SLC30A8: variants seen among roughly 807,000 people sequenced by gnomAD.
SLC30A8 encodes the protein solute carrier family 30 member 8.
A neutral mutation model predicts 36.9 loss-of-function variants in SLC30A8; 27 were observed. The observed-to-expected ratio is 0.73, with a 90% CI of 0.54 to 1.01. SLC30A8 has a LOEUF of 1.01. Among genes scored for constraint, SLC30A8 ranks in the 50% least tolerant of loss-of-function variants. The pLI, the probability that SLC30A8 is intolerant of heterozygous loss-of-function variation, is 0.00. For synonymous variants in SLC30A8, 164 were observed against 172.4 expected (o/e 0.95, Z 0.38); for missense variants, 439 against 452.0 (o/e 0.97, Z 0.26).
At chr8:116,985,243 C>A (rs1160234567) in intron 1 of SLC30A8, among the ~76,000 whole-genome samples, 1 of 151,300 alleles carries the variant, frequency 6.6e-6, no homozygotes, top group East Asian at 1.9e-4. Context: ...TCTTGTATCT[C>A]TTTCTAGAAT....
intron 2 of SLC30A8, among the ~76,000 whole-genome samples, chr8:117,061,514 A>G (rs1215098443): frequency 2.0e-5 from 3 of 152,248 alleles, no homozygotes. Flanking sequence ...AGCAATCAAG[A>G]AGTTCATAAA....
intron 2 of SLC30A8, among the ~76,000 whole-genome samples, chr8:117,119,312 C>T (rs745336328): frequency 6.6e-6 from 1 of 151,858 alleles, no homozygotes; most frequent in Admixed American, 6.6e-5. Context: ...GGAGATCCAC[C>T]TTGGGCTAGA....
intron 2 of SLC30A8, among the ~76,000 whole-genome samples, chr8:117,124,571 C>T (rs768918322): frequency 5.3e-5 from 8 of 151,324 alleles, no homozygotes; most frequent in Non-Finnish European, 8.8e-5. Flanking sequence ...CGCTCTCAAC[C>T]CATTGGGAAG....
chr8:117,046,828 C>G (rs1315447451), intron 2 of SLC30A8, among the ~76,000 whole-genome samples: 3 of 152,234 alleles, frequency 2.0e-5, no homozygotes, highest in African/African-American at 7.2e-5. Context: ...CTTCCCATGA[C>G]TTTAGCTTGC....
chr8:117,143,699 C>CACACACATGA (rs1821769968), intron 1 of SLC30A8, among the ~76,000 whole-genome samples: 1 of 151,862 alleles, frequency 6.6e-6, no homozygotes, highest in South Asian at 2.1e-4. Flanking sequence ...CACACACACT[C>CACACACATGA]ACACATGAAC....
At chr8:117,153,871 A>G (rs1246963356) in intron 3 of SLC30A8, among the ~76,000 whole-genome samples, 3 of 152,096 alleles carry the variant, frequency 2.0e-5, no homozygotes, top group Non-Finnish European at 4.4e-5. Flanking sequence ...GTGCTTCCTT[A>G]AATAATTTCA....
chr8:116,956,123 G>C (rs1814193642), intron 1 of SLC30A8, among the ~76,000 whole-genome samples: 1 of 152,166 alleles, frequency 6.6e-6, no homozygotes, highest in Non-Finnish European at 1.5e-5. Context: ...CATTAAAGCA[G>C]GATTCATATT....
chr8:116,996,456 A>G (rs1303432542), intron 1 of SLC30A8, among the ~76,000 whole-genome samples: 2 of 152,224 alleles, frequency 1.3e-5, no homozygotes, highest in Non-Finnish European at 2.9e-5. Flanking sequence ...TAATCAAGCT[A>G]ATTAACATGT....
At chr8:117,136,526 T>C (rs951140508) in intron 1 of SLC30A8, among the ~76,000 whole-genome samples, 4 of 152,046 alleles carry the variant, frequency 2.6e-5, no homozygotes, top group African/African-American at 9.7e-5. Flanking sequence ...TCAAATATTT[T>C]AGTAACAGCA....
intron 1 of SLC30A8, among the ~76,000 whole-genome samples, chr8:116,985,704 T>C (rs931514167): frequency 6.6e-6 from 1 of 152,122 alleles, no homozygotes; most frequent in Admixed American, 6.6e-5. Flanking sequence ...TGCATGAAAG[T>C]ACCAATTTTC....
intron 1 of SLC30A8, among the ~76,000 whole-genome samples, chr8:117,025,248 A>C (rs1816838311): frequency 6.6e-6 from 1 of 152,322 alleles, no homozygotes; most frequent in East Asian, 1.9e-4. Context: ...TTTGGTTGAA[A>C]ATGGGAAAGG....
At chr8:117,151,084 C>T (rs878992234) in intron 2 of SLC30A8, among the ~76,000 whole-genome samples, 3 of 152,164 alleles carry the variant, frequency 2.0e-5, no homozygotes, top group African/African-American at 7.2e-5. Flanking sequence ...ACATTCCATA[C>T]CTTCTGCTTT....
At chr8:116,991,522 C>T (rs1039346317) in intron 1 of SLC30A8, among the ~76,000 whole-genome samples, 2 of 152,106 alleles carry the variant, frequency 1.3e-5, no homozygotes, top group Admixed American at 6.6e-5. Context: ...CCAGGCTGAT[C>T]TTAAACTCCT....
chr8:116,972,268 T>TTGCTGAAAAGGC (rs1462761745), intron 1 of SLC30A8, among the ~76,000 whole-genome samples: 1 of 152,226 alleles, frequency 6.6e-6, no homozygotes, highest in Non-Finnish European at 1.5e-5. Flanking sequence ...ATTTATACTT[T>TTGCTGAAAAGGC]TGCTGAAAAG....
At chr8:117,015,169 A>C (rs1816475212) in intron 1 of SLC30A8, among the ~76,000 whole-genome samples, 1 of 152,080 alleles carries the variant, frequency 6.6e-6, no homozygotes, top group African/African-American at 2.4e-5. Flanking sequence ...TCTTTCTATC[A>C]ACCATAAAAC....
At chr8:116,971,104 C>G (rs1314088961) in intron 1 of SLC30A8, among the ~76,000 whole-genome samples, 2 of 151,920 alleles carry the variant, frequency 1.3e-5, no homozygotes, top group Non-Finnish European at 1.5e-5. Flanking sequence ...ACAATAACAA[C>G]AACAACAACA....
intron 6 of SLC30A8, 74 bp downstream of exon 6, chr8:117,163,604 A>C: frequency 9.2e-7 from 1 of 1,082,110 alleles, no homozygotes; most frequent in South Asian, 1.6e-5. Flanking sequence ...GAATGGCTAC[A>C]AGGCATGCTC....
chr8:117,012,027 T>G (rs1816359611), intron 1 of SLC30A8, among the ~76,000 whole-genome samples: 1 of 152,172 alleles, frequency 6.6e-6, no homozygotes, highest in African/African-American at 2.4e-5. Context: ...TGTACTTAGC[T>G]TACTTTGAAA....
At position 117,009,916 on chromosome 8, in the gene SLC30A8, A is replaced by G. The variant is rs527662897; in HGVS notation, c.-265-29303A>G. ...TTAAAACTTCATGATTCATTTTGTA[A>G]TATTTTTTCGGAGTGAAGCAGGCAA... is the stretch of plus-strand genomic sequence containing the variant. On this transcript the variant is annotated intron_variant, in intron 1 of 10. Transcript: ENST00000427715. Among the ~76,000 whole-genome samples the G allele has an allele frequency of 2.6e-5, 4 of 152,278 alleles. No homozygotes were observed. The East Asian group carries it at 7.7e-4, about 29-fold the overall frequency.
Sources: gnomAD v4.1 joint callset for allele counts (sites outside exome capture counted in the v4.1 genomes callset) on GRCh38, gnomAD v4.1.1 for gene constraint, MANE v1.5 for transcripts, NCBI Gene and HGNC (gene_info 2026-07-23, HGNC 2026-07-21) for gene names.